The following MAPKAPK5 variants were observed in gnomAD, a reference collection of about 807,000 sequenced individuals.
The protein encoded by MAPKAPK5 is MAP kinase-activated protein kinase 5.
MAPKAPK5 carries 30 observed loss-of-function variants against 65.1 expected under a neutral mutation model. That is an observed-to-expected ratio of 0.46 (90% CI 0.34 to 0.63). MAPKAPK5 has a LOEUF of 0.63. Among genes scored for constraint, MAPKAPK5 ranks in the 20% least tolerant of loss-of-function variants. The pLI, the probability that MAPKAPK5 is intolerant of heterozygous loss-of-function variation, is 0.01. For synonymous variants in MAPKAPK5, 179 were observed against 204.6 expected (o/e 0.87, Z 1.07); for missense variants, 433 against 581.4 (o/e 0.74, Z 2.63).
At chr12:111,857,901 G>C (rs1429092493) in intron 1 of MAPKAPK5, among the ~76,000 whole-genome samples, 2 of 151,132 alleles carry the variant, frequency 1.3e-5, no homozygotes, top group African/African-American at 4.9e-5. Flanking sequence ...GTGTGTGTGT[G>C]TTTGTGTGTG....
chr12:111,886,596 C>T lies in MAPKAPK5; in HGVS notation c.969+560C>T, dbSNP rs558456482. 4.8e-4 allele frequency among the ~76,000 whole-genome samples: 73 copies of T among 152,348 alleles called. 1 individual carries two copies. The South Asian group carries it at 7.7e-3, about 16-fold the overall frequency. On this transcript the variant is annotated intron_variant, in intron 10 of 13. Transcript: ENST00000550735. The stretch of plus-strand genomic sequence containing the variant: ...GAAGAATTTGAGTAGACAGTGTAAA[C>T]GCCCATGCGTGGCGAACAGCATAAG...
intron 1 of MAPKAPK5, among the ~76,000 whole-genome samples, chr12:111,858,204 CTT>C (rs2069309593): frequency 6.6e-6 from 1 of 152,062 alleles, no homozygotes; most frequent in Non-Finnish European, 1.5e-5. Flanking sequence ...TGCACCTGGT[CTT>C]GTCTTTCAGT....
At chr12:111,849,146 A>G (rs528509853) in intron 1 of MAPKAPK5, among the ~76,000 whole-genome samples, 11 of 151,280 alleles carry the variant, frequency 7.3e-5, no homozygotes, top group Non-Finnish European at 1.5e-4. Context: ...GGGTCTCACA[A>G]TGTTGCCCAG....
chr12:111,875,773 CAAATGGCATGTG>C (rs1217559018), intron 7 of MAPKAPK5, among the ~76,000 whole-genome samples: 2 of 152,138 alleles, frequency 1.3e-5, no homozygotes, highest in Non-Finnish European at 2.9e-5. Flanking sequence ...TCTTTTTACC[CAAATGGCATGTG>C]ATATCACTTC....
At chr12:111,859,066 T>G (rs2069342419) in intron 1 of MAPKAPK5, among the ~76,000 whole-genome samples, 1 of 147,652 alleles carries the variant, frequency 6.8e-6, no homozygotes, top group South Asian at 2.2e-4. Context: ...CAGAGATGGA[T>G]GCTATTGATT....
chr12:111,844,743 G>A (rs554443105), intron 1 of MAPKAPK5, among the ~76,000 whole-genome samples: 1 of 152,322 alleles, frequency 6.6e-6, no homozygotes, highest in South Asian at 2.1e-4. Context: ...TGTTAAATAG[G>A]GTAGTCCGAG....
chr12:111,900,487 A>G lies in MAPKAPK5; in HGVS notation c.*7426A>G, dbSNP rs2070997680. On this transcript the variant is annotated 3_prime_UTR_variant, in exon 14 of 14. Coordinates refer to ENST00000550735, the MANE Select transcript of MAPKAPK5 (RefSeq NM_003668.4). Reference sequence around the variant, plus strand: ...GGCTTCAGCAGCTGCAGCTCTGACTACTTCTACCAGTTCCTTCGAGAACAC... The same window carrying G: ...GGCTTCAGCAGCTGCAGCTCTGACTGCTTCTACCAGTTCCTTCGAGAACAC... 2.2e-6 allele frequency: 1 copy of G among 456,062 alleles called. No homozygotes were observed. The highest frequency in any genetic ancestry group is 4.4e-6 in the Non-Finnish European group (1 of 226,802). 28.3% of individuals were successfully genotyped at this position (456,062 alleles called of 1,614,324 possible).
intron 7 of MAPKAPK5, among the ~76,000 whole-genome samples, chr12:111,874,607 C>T (rs551387860): frequency 2.5e-3 from 369 of 147,308 alleles, no homozygotes; most frequent in African/African-American, 7.7e-3. Flanking sequence ...GGATGACAGG[C>T]GCCCGCCACC....
In MAPKAPK5 at chr12:111,901,497, A is replaced by ATAT. The variant is rs767203103; in HGVS notation, c.*8445_*8447dup. The ATAT allele has an allele frequency of 2.3e-6, 1 of 425,632 alleles. No homozygotes were observed. The highest frequency in any genetic ancestry group is 2.1e-5 in the African/African-American group (1 of 48,724). 26.4% of individuals were successfully genotyped at this position (425,632 alleles called of 1,614,324 possible). On this transcript the variant is annotated 3_prime_UTR_variant, in exon 14 of 14. Transcript: ENST00000550735. Reference sequence around the variant, plus strand: ...ATTATCATTCATTATACTTTTTATAATATTATTATTAAGTACAATTATTTG... The same window carrying ATAT: ...ATTATCATTCATTATACTTTTTATAATATTATTATTATTAAGTACAATTATTTG...
chr12:111,848,448 C>T lies in MAPKAPK5; in HGVS notation c.36+5679C>T, dbSNP rs183494835. On this transcript the variant is annotated intron_variant, in intron 1 of 13. Transcript: ENST00000550735. ...TTTTTTTTTGAGATGGAGTCTTGCT[C>T]AGTCGCCCAGGCTGGAGCACAGTGG... is the stretch of plus-strand genomic sequence containing the variant. Among the ~76,000 whole-genome samples the T allele has an allele frequency of 2.2e-5, 3 of 139,128 alleles. No individual in the cohort carries two copies. The Admixed American group carries it at 2.3e-4, about 11-fold the overall frequency. 91.3% of individuals were successfully genotyped at this position (139,128 alleles called of 152,430 possible).
chr12:111,892,925 C>T, intron 13 of MAPKAPK5, 42 bp from the exon 14 acceptor site: 2 of 1,454,112 alleles, frequency 1.4e-6, no homozygotes, highest in African/African-American at 1.4e-5. Context: ...TGCCACCTCT[C>T]AAAGAATTTG....
intron 1 of MAPKAPK5, among the ~76,000 whole-genome samples, chr12:111,845,994 A>T (rs142403556): frequency 6.6e-5 from 10 of 152,300 alleles, no homozygotes; most frequent in African/African-American, 2.2e-4. Flanking sequence ...GTGCTTTAGA[A>T]AGAGTTGTTT....
In MAPKAPK5 at chr12:111,883,522, G is replaced by T; in HGVS notation, c.661-59G>T. ...GGGGCTATTCCTGAGCCTGTCATGG[G>T]GTGTTTATTTGGGGGCTCTGCTTCT... On this transcript the variant is annotated intron_variant, in intron 8 of 13. Transcript: ENST00000550735. The surrounding 1 kb of genome is among the most constrained non-coding windows in gnomAD (Gnocchi z 4.8). 1 of 1,470,692 alleles carries T rather than the reference G, an allele frequency of 6.8e-7. No individual in the cohort carries two copies. The highest frequency in any genetic ancestry group is 9.4e-7 in the Non-Finnish European group (1 of 1,062,672). 91.1% of individuals were successfully genotyped at this position (1,470,692 alleles called of 1,614,324 possible). A position where few individuals can be genotyped will look rare whatever the true frequency, so the allele number is the denominator to read the frequency against.
intron 1 of MAPKAPK5, among the ~76,000 whole-genome samples, chr12:111,856,307 T>C (rs1189750890): frequency 1.3e-5 from 2 of 152,192 alleles, no homozygotes; most frequent in Non-Finnish European, 2.9e-5. Flanking sequence ...TCATAAGCCA[T>C]TTCAGATTAA....
chr12:111,876,438 A>T (rs2069975670), intron 7 of MAPKAPK5, among the ~76,000 whole-genome samples: 1 of 152,012 alleles, frequency 6.6e-6, no homozygotes, highest in Non-Finnish European at 1.5e-5. Context: ...TGCATAAAGC[A>T]CATGTACCCC....
chr12:111,863,455 C>T lies in MAPKAPK5; in HGVS notation c.37-1795C>T, dbSNP rs2069508125. 2.0e-5 allele frequency among the ~76,000 whole-genome samples: 3 copies of T among 152,230 alleles called. No individual in the cohort carries two copies. The South Asian group carries it at 6.2e-4, about 32-fold the overall frequency. ...CTGGATAGAGGCCTTGTTTTCATAC[C>T]TGAACTTAGCCTGGTATACTAGCTG... On this transcript the variant is annotated intron_variant, in intron 1 of 13. Coordinates refer to ENST00000550735, the MANE Select transcript of MAPKAPK5 (RefSeq NM_003668.4).
At chr12:111,877,265 CGCCTT>C in intron 7 of MAPKAPK5, among the ~76,000 whole-genome samples, 1 of 126,996 alleles carries the variant, frequency 7.9e-6, no homozygotes, top group Middle Eastern at 4.6e-3. Flanking sequence ...GTGATCCACT[CGCCTT>C]GACCTCCCAA....
intron 5 of MAPKAPK5, among the ~76,000 whole-genome samples, chr12:111,869,909 T>C (rs1181740477): frequency 6.6e-6 from 1 of 152,234 alleles, no homozygotes; most frequent in Non-Finnish European, 1.5e-5. Context: ...GAACTGCGCC[T>C]GCTGACCATT....
At chr12:111,856,721 TTGTGTTAC>T (rs1256829064) in intron 1 of MAPKAPK5, among the ~76,000 whole-genome samples, 2 of 152,192 alleles carry the variant, frequency 1.3e-5, no homozygotes, top group Non-Finnish European at 2.9e-5. Flanking sequence ...CCCTCTTCTT[TTGTGTTAC>T]TGTTGTCTAT....
Sources: gnomAD v4.1 joint callset for allele counts (sites outside exome capture counted in the v4.1 genomes callset) on GRCh38, gnomAD v4.1.1 for gene constraint, Gnocchi (gnomAD v3.1) non-coding constraint, MANE v1.5 for transcripts, NCBI Gene and HGNC (gene_info 2026-07-23, HGNC 2026-07-21) for gene names.